The following TIAM2 variants were observed in gnomAD, a reference collection of about 807,000 sequenced individuals.
TIAM2 encodes the protein TIAM Rac1 associated GEF 2, also known as rho guanine nucleotide exchange factor TIAM2.
In TIAM2, 80 loss-of-function variants were observed where a neutral mutation model predicts 152.9. The ratio of observed to expected loss-of-function variants is 0.52; its 90% CI spans 0.44 to 0.63. The LOEUF is 0.63. TIAM2 is among the 30% of genes least tolerant of loss of function. TIAM2 has a pLI of 0.00. For missense variants in TIAM2, 1,965 were observed against 2,120.1 expected, an observed-to-expected ratio of 0.93 and a Z score of 1.44; for synonymous variants, 804 against 838.0, an observed-to-expected ratio of 0.96 and a Z score of 0.70.
intron 1 of TIAM2, among the ~76,000 whole-genome samples, chr6:155,061,084 T>C (rs1046990479): frequency 1.3e-5 from 2 of 152,256 alleles, no homozygotes; most frequent in African/African-American, 2.4e-5. Context: ...AACCAAGTTC[T>C]GGGTGCCAGG....
Position 155,240,619 on chromosome 6 carries a change from T to C in TIAM2, c.3258T>C (p.Pro1086=), listed in dbSNP as rs1782985269. The C allele has an allele frequency of 1.2e-6, 2 of 1,614,020 alleles. No individual in the cohort carries two copies. Among genetic ancestry groups the C allele is most frequent in the South Asian group, 2.2e-5 (2 of 91,090 alleles). Residue 1086 remains proline, a synonymous_variant, in exon 16 of 27, where the codon CCT becomes CCC. Coordinates refer to ENST00000682666, the MANE Select transcript of TIAM2 (RefSeq NM_012454.4). ...MEGPRENQDP[P]PRSLARHLSD... ...GACCGCGGGAGAATCAGGATCCTCC[T>C]CCGAGGTCTCTGGCCCGCCACCTGT... is the stretch of plus-strand genomic sequence containing the variant.
rs1781771980 is a variant in TIAM2 at position 155,213,518 on chromosome 6, T to C, written c.3168+2211T>C. 1.3e-5 allele frequency among the ~76,000 whole-genome samples: 2 copies of C among 152,172 alleles called. No individual in the cohort carries two copies. The highest frequency in any genetic ancestry group is 2.9e-5 in the Non-Finnish European group (2 of 68,020). On this transcript the variant is annotated intron_variant, in intron 15 of 26. Transcript: ENST00000682666. The surrounding 1 kb of genome is among the most constrained non-coding windows in gnomAD (Gnocchi z 4.2). ...TCAGAGGGGTGGAAATGTGCACTGA[T>C]TGGTCCATAGTGGCCATGAGCAGAC...
intron 15 of TIAM2, chr6:155,232,619 T>C (rs1277946796): frequency 1.3e-5 from 2 of 152,240 alleles, no homozygotes; most frequent in Admixed American, 6.5e-5. Context: ...ACATGAGACT[T>C]GGATTCAGTC....
chr6:155,047,449 G>C (rs1777201840), intron 1 of TIAM2, among the ~76,000 whole-genome samples: 2 of 152,058 alleles, frequency 1.3e-5, no homozygotes, highest in Non-Finnish European at 2.9e-5. Context: ...CAAAGGGCTG[G>C]GATTACGTGT....
chr6:155,094,546 C>CCTT (rs746652506), intron 2 of TIAM2, among the ~76,000 whole-genome samples: 3 of 79,940 alleles, frequency 3.8e-5, no homozygotes, highest in African/African-American at 1.5e-4. Context: ...TTCACTCAGA[C>CCTT]TTTTTTTTTT....
intron 2 of TIAM2, among the ~76,000 whole-genome samples, chr6:155,112,654 T>C (rs1190642537): frequency 6.6e-6 from 1 of 152,180 alleles, no homozygotes; most frequent in East Asian, 1.9e-4. Context: ...TATTACCACT[T>C]AAGTATCCAG....
intron 15 of TIAM2, among the ~76,000 whole-genome samples, chr6:155,233,346 C>T (rs1350660162): frequency 6.6e-6 from 1 of 152,108 alleles, no homozygotes; most frequent in African/African-American, 2.4e-5. Flanking sequence ...TGGTATTTTT[C>T]TAATGAAAAG....
intron 2 of TIAM2, among the ~76,000 whole-genome samples, chr6:155,107,927 T>A (rs1778739036): frequency 6.6e-6 from 1 of 152,168 alleles, no homozygotes; most frequent in Non-Finnish European, 1.5e-5. Flanking sequence ...TGGCTTTACA[T>A]TAATTTGGCC....
intron 1 of TIAM2, among the ~76,000 whole-genome samples, chr6:155,023,611 T>C (rs1423865214): frequency 6.6e-6 from 1 of 152,114 alleles, no homozygotes; most frequent in African/African-American, 2.4e-5. Context: ...TTATTTGCAG[T>C]TGGATAAAGG....
At chr6:155,155,663 C>G (rs553343944) in intron 7 of TIAM2, among the ~76,000 whole-genome samples, 2 of 151,934 alleles carry the variant, frequency 1.3e-5, no homozygotes, top group African/African-American at 4.8e-5. Context: ...TTTGTAGAGA[C>G]GGGGTTTTGC....
At chr6:154,997,159 G>A (rs1458324385) in intron 1 of TIAM2, among the ~76,000 whole-genome samples, 1 of 152,152 alleles carries the variant, frequency 6.6e-6, no homozygotes, top group African/African-American at 2.4e-5. Context: ...TGTTTGGAAT[G>A]AATGAAATTC....
chr6:155,248,213 T>C (rs1783449262), intron 20 of TIAM2, 34 bp downstream of exon 20: 3 of 1,598,668 alleles, frequency 1.9e-6, no homozygotes, highest in Non-Finnish European at 2.6e-6. Flanking sequence ...GGCGAGGGCC[T>C]GCACAGGGCG....
chr6:155,164,136 T>TTTG, intron 7 of TIAM2, among the ~76,000 whole-genome samples: 1 of 118,688 alleles, frequency 8.4e-6, no homozygotes, highest in African/African-American at 3.5e-5. Flanking sequence ...TTTTTGTGTT[T>TTTG]TTTTTTTTTC....
chr6:155,021,638 A>G (rs142184223), intron 1 of TIAM2, among the ~76,000 whole-genome samples: 45 of 152,142 alleles, frequency 3.0e-4, no homozygotes, highest in African/African-American at 1.0e-3. Flanking sequence ...ATTCCAATCA[A>G]CCGTGCACAA....
intron 2 of TIAM2, among the ~76,000 whole-genome samples, chr6:155,117,817 G>A (rs1046223023): frequency 6.6e-6 from 1 of 152,186 alleles, no homozygotes; most frequent in African/African-American, 2.4e-5. Flanking sequence ...ACAAGCTGAT[G>A]AGCTCCTTTG....
chr6:155,081,730 ATTTG>A (rs753688792), intron 1 of TIAM2, among the ~76,000 whole-genome samples: 4 of 152,136 alleles, frequency 2.6e-5, no homozygotes, highest in Non-Finnish European at 4.4e-5. Context: ...TGGTTGAGGA[ATTTG>A]TTTGGTGCTT....
chr6:155,108,543 A>G (rs912206631), intron 2 of TIAM2, among the ~76,000 whole-genome samples: 6 of 152,212 alleles, frequency 3.9e-5, no homozygotes, highest in Non-Finnish European at 7.3e-5. Flanking sequence ...CAGACCGTAA[A>G]TAGTGTTTTG....
At chr6:155,180,171 C>T (rs9478618) in intron 12 of TIAM2, among the ~76,000 whole-genome samples, 65,212 of 151,880 alleles carry the variant, frequency 0.43, 14,498 homozygotes, top group South Asian at 0.54. Context: ...CCCAGCTACT[C>T]GGGAGGCTGA....
intron 1 of TIAM2, among the ~76,000 whole-genome samples, chr6:155,084,524 C>T (rs545759095): frequency 1.3e-5 from 2 of 152,358 alleles, no homozygotes; most frequent in Admixed American, 1.3e-4. Context: ...GATGTGATCA[C>T]CAGCCTAGGG....
Sources: allele counts gnomAD v4.1 joint callset (sites outside exome capture counted in the v4.1 genomes callset), GRCh38; gene constraint gnomAD v4.1.1; non-coding constraint Gnocchi (gnomAD v3.1); transcripts MANE v1.5; gene names NCBI Gene and HGNC (gene_info 2026-07-23, HGNC 2026-07-21).